NDUFB9: variants seen among roughly 807,000 people sequenced by gnomAD.
NDUFB9 encodes the protein NADH dehydrogenase [ubiquinone] 1 beta subcomplex subunit 9.
A neutral mutation model predicts 30.2 loss-of-function variants in NDUFB9; 24 were observed. The observed-to-expected ratio is 0.80, with a 90% CI of 0.58 to 1.12. NDUFB9 has a LOEUF of 1.12. Among genes scored for constraint, NDUFB9 ranks in the 50% most tolerant of loss-of-function variants. The probability of loss-of-function intolerance (pLI) is 0.00; values close to 1 mark genes in which losing one functional copy is unlikely to be tolerated. For synonymous variants in NDUFB9, 80 were observed against 84.0 expected, an observed-to-expected ratio of 0.95 and a Z score of 0.26; for missense variants, 204 against 226.0, an observed-to-expected ratio of 0.90 and a Z score of 0.62.
intron 2 of NDUFB9, chr8:124,546,706 G>C: frequency 2.1e-6 from 1 of 473,058 alleles, no homozygotes; most frequent in Non-Finnish European, 3.8e-6. Flanking sequence ...TTCCAAGTAA[G>C]ATAAGACTAC....
At chr8:124,546,963 T>A in intron 2 of NDUFB9, 37 bp from the exon 3 acceptor site, 1 of 1,431,320 alleles carries the variant, frequency 7.0e-7, no homozygotes, top group Non-Finnish European at 9.9e-7. Context: ...GGTAAATGTG[T>A]CCTGTGGATT....
intron 1 of NDUFB9, among the ~76,000 whole-genome samples, chr8:124,542,116 A>G (rs1822020297): frequency 6.7e-6 from 1 of 149,500 alleles, no homozygotes; most frequent in Non-Finnish European, 1.5e-5. Context: ...GGATTTCACC[A>G]TGTTGGCCAG....
At position 124,539,298 on chromosome 8, in the gene NDUFB9, GGGACCCA is replaced by G; in HGVS notation, c.101+16_101+22del. 6.2e-7 allele frequency: 1 copy of G among 1,613,994 alleles called. No individual in the cohort carries two copies. The highest frequency in any genetic ancestry group is 8.5e-7 in the Non-Finnish European group (1 of 1,179,882). ...GTGGTGCGTCCAGAGGTAAGGGATGGGGACCCAGGACTCGGGGAGGTGACCCTCGGGG... is the reference window on the plus strand; with the variant it reads ...GTGGTGCGTCCAGAGGTAAGGGATGGGGACTCGGGGAGGTGACCCTCGGGG... On this transcript the variant is annotated intron_variant, in intron 1 of 3. Transcript: ENST00000276689.
chr8:124,541,652 G>A (rs1218882016), intron 1 of NDUFB9, among the ~76,000 whole-genome samples: 2 of 152,228 alleles, frequency 1.3e-5, no homozygotes. Context: ...TGCCCAGGCT[G>A]GAGTGCAGTG....
chr8:124,543,750 A>G (rs1822086994), intron 2 of NDUFB9, among the ~76,000 whole-genome samples: 1 of 152,192 alleles, frequency 6.6e-6, no homozygotes, highest in Admixed American at 6.5e-5. Flanking sequence ...TTCACCGACC[A>G]ATAGTTCCTC....
chr8:124,547,017 A>G lies in NDUFB9; in HGVS notation c.312A>G (p.Leu104=), dbSNP rs1469482116. The stretch of plus-strand genomic sequence containing the variant: ...CCTGACAGGTCCCAGAATGGTGCTT[A>G]GATGACTGGCATCCTTCTGAGAAGG... The part of the protein sequence containing the change: ...YDCYKVPEWC[L]DDWHPSEKAM... Residue 104 remains leucine (L), a synonymous_variant, in exon 3 of 4, where the codon TTA becomes TTG. Transcript: ENST00000276689. 1 of 1,612,030 alleles carries G rather than the reference A, an allele frequency of 6.2e-7. No individual in the cohort carries two copies. The highest frequency in any genetic ancestry group is 1.1e-5 in the South Asian group (1 of 91,002).
chr8:124,539,957 C>T (rs1234599424), intron 1 of NDUFB9, among the ~76,000 whole-genome samples: 7 of 152,168 alleles, frequency 4.6e-5, no homozygotes, highest in Admixed American at 2.6e-4. Context: ...AGTCTGAGAA[C>T]ATAGTGTTAA....
chr8:124,546,980 A>G lies in NDUFB9; in HGVS notation c.295-20A>G, dbSNP rs775183693. 1.3e-6 allele frequency: 2 copies of G among 1,557,620 alleles called. No homozygotes were observed. Among genetic ancestry groups the G allele is most frequent in the South Asian group, 2.2e-5 (2 of 89,856 alleles). On this transcript the variant is annotated intron_variant, in intron 2 of 3. Coordinates refer to ENST00000276689, the MANE Select transcript of NDUFB9 (RefSeq NM_005005.3). Reference sequence around the variant, plus strand: ...TAAATGTGTCCTGTGGATTGATACCATGATTTCCTCTCCTGACAGGTCCCA... The same window carrying G: ...TAAATGTGTCCTGTGGATTGATACCGTGATTTCCTCTCCTGACAGGTCCCA...
chr8:124,543,646 T>C (rs1563707299), intron 2 of NDUFB9, among the ~76,000 whole-genome samples: 2 of 152,222 alleles, frequency 1.3e-5, no homozygotes, highest in Non-Finnish European at 2.9e-5. Flanking sequence ...ATCAGTCACC[T>C]TTGATGTTAC....
chr8:124,543,760 C>T (rs908663079), intron 2 of NDUFB9, among the ~76,000 whole-genome samples: 1 of 152,194 alleles, frequency 6.6e-6, no homozygotes, highest in Non-Finnish European at 1.5e-5. Flanking sequence ...AATAGTTCCT[C>T]CGCCTCTATC....
At chr8:124,539,936 C>T (rs1439348975) in intron 1 of NDUFB9, among the ~76,000 whole-genome samples, 2 of 152,190 alleles carry the variant, frequency 1.3e-5, no homozygotes, top group East Asian at 1.9e-4. Flanking sequence ...GACCTCTATC[C>T]GTCTGAGACT....
At chr8:124,545,649 C>T (rs563455642) in intron 2 of NDUFB9, among the ~76,000 whole-genome samples, 1 of 152,174 alleles carries the variant, frequency 6.6e-6, no homozygotes, top group South Asian at 2.1e-4. Context: ...CTGTCCTAGC[C>T]AACCAAGTAG....
chr8:124,541,392 A>C (rs113539935), intron 1 of NDUFB9, among the ~76,000 whole-genome samples: 146 of 152,206 alleles, frequency 9.6e-4, no homozygotes, highest in African/African-American at 3.4e-3. Context: ...CCAATAACAC[A>C]CATACTCATA....
chr8:124,540,743 C>A (rs984247443), intron 1 of NDUFB9, among the ~76,000 whole-genome samples: 1 of 152,002 alleles, frequency 6.6e-6, no homozygotes, highest in East Asian at 1.9e-4. Flanking sequence ...CCTCCATTTG[C>A]CCTCATTGTG....
Position 124,539,140 on chromosome 8 carries a change from G to A in NDUFB9, c.-47G>A. 8 of 1,613,102 alleles carry A rather than the reference G, an allele frequency of 5.0e-6. No homozygotes were observed. Reference sequence around the variant, plus strand: ...CCCCGCTCAGTCACCCGCAGCAGGCGTGCAGTTTCCCGGCTCTCCGCGCGG... The same window carrying A: ...CCCCGCTCAGTCACCCGCAGCAGGCATGCAGTTTCCCGGCTCTCCGCGCGG... On this transcript the variant is annotated 5_prime_UTR_variant, in exon 1 of 4. It adds an upstream start codon to the 5' untranslated region. Coordinates refer to ENST00000276689, the MANE Select transcript of NDUFB9 (RefSeq NM_005005.3).
intron 1 of NDUFB9, among the ~76,000 whole-genome samples, chr8:124,541,904 T>G (rs1586712141): frequency 7.7e-6 from 1 of 129,988 alleles, no homozygotes; most frequent in African/African-American, 2.9e-5. Context: ...GCCTGGCCTT[T>G]TTGTTGTTGT....
chr8:124,542,122 G>A (rs1822021155), intron 1 of NDUFB9, among the ~76,000 whole-genome samples: 1 of 150,148 alleles, frequency 6.7e-6, no homozygotes, highest in Non-Finnish European at 1.5e-5. Flanking sequence ...CACCATGTTG[G>A]CCAGGCTGGT....
chr8:124,546,734 G>C (rs2131611946), intron 2 of NDUFB9: 1 of 536,346 alleles, frequency 1.9e-6, no homozygotes, highest in East Asian at 3.2e-5. Flanking sequence ...ATTTAGAGAA[G>C]GCAGGTAGGG....
At chr8:124,547,990 A>G (rs867049462) in intron 3 of NDUFB9, among the ~76,000 whole-genome samples, 17 of 125,610 alleles carry the variant, frequency 1.4e-4, no homozygotes, top group South Asian at 8.2e-4. Flanking sequence ...ATCCCAAAAG[A>G]AAAAAAAAAG....
Sources: gnomAD v4.1 joint callset for allele counts (sites outside exome capture counted in the v4.1 genomes callset) on GRCh38, gnomAD v4.1.1 for gene constraint, MANE v1.5 for transcripts, NCBI Gene and HGNC (gene_info 2026-07-23, HGNC 2026-07-21) for gene names.